NUP210: variants seen among roughly 807,000 people sequenced by gnomAD.
NUP210 encodes the protein nucleoporin 210.
Under a neutral mutation model 196.0 loss-of-function variants are expected in NUP210, and 151 were observed. The observed-to-expected ratio is 0.77, with a 90% CI of 0.67 to 0.88. NUP210 has a LOEUF of 0.88. NUP210 is among the 40% of genes least tolerant of loss of function. NUP210 has a pLI of 0.00. For missense variants in NUP210, 2,314 were observed against 2,493.7 expected, an observed-to-expected ratio of 0.93 and a Z score of 1.53; for synonymous variants, 1,070 against 1,052.7, an observed-to-expected ratio of 1.02 and a Z score of -0.32.
intron 15 of NUP210, among the ~76,000 whole-genome samples, 185 bp downstream of exon 15, chr3:13,360,085 C>A (rs960266174): frequency 1.3e-5 from 2 of 152,254 alleles, no homozygotes; most frequent in East Asian, 3.8e-4. Context: ...TATTGCCACA[C>A]CTGCCTGGCG....
At position 13,386,333 on chromosome 3, in the gene NUP210, C is replaced by CAT; in HGVS notation, c.758_759insAT (p.Met254Ter). 6.2e-7 allele frequency: 1 copy of CAT among 1,614,188 alleles called. No homozygotes were observed. Among genetic ancestry groups the CAT allele is most frequent in the Non-Finnish European group, 8.5e-7 (1 of 1,180,026 alleles). The stretch of plus-strand genomic sequence containing the variant: ...TGTAGTGAATGGAGGTTCCCACCAT[C>CAT]AGGTAGACGTCATAGGCCGGGTTCA... On this transcript the variant is annotated frameshift_variant, in exon 6 of 40. Transcript: ENST00000254508. LOFTEE classifies it high-confidence loss of function.
In NUP210 at chr3:13,357,791, C is replaced by T. The variant is rs1329096466; in HGVS notation, c.2328+431G>A. On this transcript the variant is annotated intron_variant, in intron 16 of 39. Coordinates refer to ENST00000254508, the MANE Select transcript of NUP210 (RefSeq NM_024923.4). The stretch of plus-strand genomic sequence containing the variant: ...TTGAAACACAACCCCACGTCACCCA[C>T]ATCATGGGGATGCTGTAGCTGGTCA... Among the ~76,000 whole-genome samples, 3 of 152,200 alleles carry T rather than the reference C, an allele frequency of 2.0e-5. No homozygotes were observed. The East Asian group carries it at 5.8e-4, about 29-fold the overall frequency.
intron 16 of NUP210, among the ~76,000 whole-genome samples, chr3:13,356,252 T>C (rs1239861843): frequency 1.3e-5 from 2 of 152,220 alleles, no homozygotes; most frequent in African/African-American, 4.8e-5. Context: ...AATAATTTAA[T>C]CTGCAAACAC....
intron 36 of NUP210, among the ~76,000 whole-genome samples, chr3:13,320,756 G>C (rs1251416904): frequency 1.3e-5 from 2 of 152,030 alleles, no homozygotes; most frequent in Non-Finnish European, 1.5e-5. Flanking sequence ...GCCAGGTGTG[G>C]TGGCAGGCAC....
Position 13,347,055 on chromosome 3 carries a change from C to T in NUP210, c.2836-3752G>A. On this transcript the variant is annotated intron_variant, in intron 20 of 39. Transcript: ENST00000254508. This position sits in a 1 kb window ranked among gnomAD's most constrained non-coding sequence, Gnocchi z 4.7. ...CTGACTTCAGGCCCTGCAATTGCCA[C>T]CCACTCCCCACTCATCCTGGACACA... is the stretch of plus-strand genomic sequence containing the variant. 1.0e-6 allele frequency: 1 copy of T among 985,434 alleles called. No homozygotes were observed. The highest frequency in any genetic ancestry group is 1.1e-4 in the East Asian group (1 of 8,806). The allele number at this position is 985,434 out of a possible 1,614,324, so 61.0% of individuals were successfully genotyped here.
chr3:13,403,108 T>C (rs867590475), intron 1 of NUP210, among the ~76,000 whole-genome samples: 1 of 152,220 alleles, frequency 6.6e-6, no homozygotes, highest in Non-Finnish European at 1.5e-5. Context: ...AATACGTGAT[T>C]TACCCCAACA....
At position 13,317,693 on chromosome 3, in the gene NUP210, A is replaced by G. The variant is rs1696325670; in HGVS notation, c.5652T>C (p.Tyr1884=). ...ACCTTCACGCGGCCTAGTGGGAGGC[A>G]TAGGCTGGGCTCCACAGCCCTGAGG... ...SPPSGLWSPA[Y]ASH The change falls in exon 40 of 40, where the codon TAT becomes TAC. Residue 1884 remains tyrosine, a synonymous_variant. Coordinates refer to ENST00000254508, the MANE Select transcript of NUP210 (RefSeq NM_024923.4). The G allele has an allele frequency of 1.2e-6, 2 of 1,608,428 alleles. No homozygotes were observed. Among genetic ancestry groups the G allele is most frequent in the South Asian group, 1.1e-5 (1 of 89,744 alleles).
chr3:13,329,878 C>G (rs1437916398), intron 30 of NUP210, among the ~76,000 whole-genome samples: 1 of 152,202 alleles, frequency 6.6e-6, no homozygotes, highest in Non-Finnish European at 1.5e-5. Flanking sequence ...ACGGCCCAAA[C>G]CAGACAGACC....
At chr3:13,319,536 G>A (rs538055443) in intron 37 of NUP210, among the ~76,000 whole-genome samples, 1 of 106,926 alleles carries the variant, frequency 9.4e-6, no homozygotes, top group East Asian at 3.9e-4. Context: ...GCAGGCTGCT[G>A]AGCAGAGGGG....
At chr3:13,380,834 T>C (rs1418208220) in intron 6 of NUP210, among the ~76,000 whole-genome samples, 2 of 152,228 alleles carry the variant, frequency 1.3e-5, no homozygotes, top group African/African-American at 4.8e-5. Flanking sequence ...AGAGGAAACT[T>C]GCCTGGCCCT....
intron 15 of NUP210, among the ~76,000 whole-genome samples, chr3:13,358,799 G>A (rs1576380341): frequency 6.6e-6 from 1 of 152,368 alleles, no homozygotes; most frequent in East Asian, 1.9e-4. Context: ...GGAAGTGCAT[G>A]CTGCAGAATG....
In NUP210 at chr3:13,322,278, G is replaced by T. The variant is rs747453302; in HGVS notation, c.4830C>A (p.Ser1610Arg). Residue 1610 changes from serine (S) to arginine (R), a missense_variant, in exon 35 of 40, where the codon AGC (serine) becomes AGA (arginine). Physicochemically the swap from Ser to Arg is moderately radical, Grantham distance 110 (BLOSUM62 -1). Coordinates refer to ENST00000254508, the MANE Select transcript of NUP210 (RefSeq NM_024923.4). ...CGGCCGGCTTGAACTGGGACTGGCA[G>T]CTGATGAGGGTCTCTGGGTGCAAGG... ...IQALHPETLI[S>R]CQSQFKPAVF... is the part of the protein sequence containing the mutation. 1.2e-6 allele frequency: 2 copies of T among 1,614,124 alleles called. No homozygotes were observed. The highest frequency in any genetic ancestry group is 3.3e-5 in the Admixed American group (2 of 60,014).
At chr3:13,413,101 C>T (rs1371802128) in intron 1 of NUP210, among the ~76,000 whole-genome samples, 1 of 152,076 alleles carries the variant, frequency 6.6e-6, no homozygotes. Context: ...CCCGTCTCTA[C>T]TAAAAATACT....
intron 18 of NUP210, among the ~76,000 whole-genome samples, chr3:13,353,066 C>G (rs1161635871): frequency 6.6e-6 from 1 of 152,014 alleles, no homozygotes; most frequent in Non-Finnish European, 1.5e-5. Context: ...ACTGAGCCAT[C>G]AGGTATAGGC....
chr3:13,401,462 G>A (rs372355199), intron 1 of NUP210, among the ~76,000 whole-genome samples: 6 of 152,182 alleles, frequency 3.9e-5, no homozygotes, highest in East Asian at 3.9e-4. Context: ...GGAAGTTCAC[G>A]GAAAATGAGC....
chr3:13,385,371 C>G (rs998440728), intron 6 of NUP210, among the ~76,000 whole-genome samples: 1 of 152,210 alleles, frequency 6.6e-6, no homozygotes, highest in African/African-American at 2.4e-5. Context: ...TGCCCATGAC[C>G]CTTCAGGTCC....
chr3:13,335,479 T>C lies in NUP210; in HGVS notation c.3818A>G (p.Glu1273Gly), dbSNP rs752943624. 4 of 1,613,812 alleles carry C rather than the reference T, an allele frequency of 2.5e-6. No individual in the cohort carries two copies. The African/African-American group carries it at 5.3e-5, about 22-fold the overall frequency. Residue 1273 changes from glutamate (E) to glycine (G), a missense_variant, in exon 28 of 40, where the codon GAA becomes GGA. Glu to Gly is a moderately conservative substitution (Grantham distance 98, BLOSUM62 -2). Coordinates refer to ENST00000254508, the MANE Select transcript of NUP210 (RefSeq NM_024923.4). ...CTGGACTTGGATCTCATCCGAGAGT[T>C]CTCTGGCCAGGCCATACAGCTGCCC... ...TSGQLYGLAR[E>G]LSDEIQVQVF...
intron 3 of NUP210, among the ~76,000 whole-genome samples, chr3:13,392,948 A>G (rs1010324665): frequency 2.1e-4 from 32 of 151,648 alleles, no homozygotes; most frequent in African/African-American, 7.0e-4. Flanking sequence ...CCAGCAGGCC[A>G]GCTTTACAGT....
chr3:13,323,739 G>A lies in NUP210; in HGVS notation c.4645-307C>T, dbSNP rs1052562369. Among the ~76,000 whole-genome samples, 2 of 152,112 alleles carry A rather than the reference G, an allele frequency of 1.3e-5. No individual in the cohort carries two copies. The highest frequency in any genetic ancestry group is 1.5e-5 in the Non-Finnish European group (1 of 68,008). On this transcript the variant is annotated intron_variant, in intron 33 of 39. Coordinates refer to ENST00000254508, the MANE Select transcript of NUP210 (RefSeq NM_024923.4). The surrounding 1 kb of genome is among the most constrained non-coding windows in gnomAD (Gnocchi z 4.3). ...GGTGGGCTGAGGATTTTGGCTGTTCGGACAGCCATGATCACTTCTCTGTAG... is the reference window on the plus strand; with the variant it reads ...GGTGGGCTGAGGATTTTGGCTGTTCAGACAGCCATGATCACTTCTCTGTAG...
Sources: allele counts gnomAD v4.1 joint callset (sites outside exome capture counted in the v4.1 genomes callset), GRCh38; gene constraint gnomAD v4.1.1; non-coding constraint Gnocchi (gnomAD v3.1); transcripts MANE v1.5; gene names NCBI Gene and HGNC (gene_info 2026-07-23, HGNC 2026-07-21).